The following CSMD3 variants were observed in gnomAD, a reference collection of about 807,000 sequenced individuals.
CSMD3 encodes CUB and sushi domain-containing protein 3.
In CSMD3, 177 loss-of-function variants were observed where a neutral mutation model predicts 435.2. The observed-to-expected ratio is 0.41, with a 90% CI of 0.36 to 0.46. The LOEUF is 0.46. CSMD3 is among the 20% of genes least tolerant of loss of function. The pLI, the probability that CSMD3 is intolerant of heterozygous loss-of-function variation, is 0.34. For synonymous variants in CSMD3, 1,656 were observed against 1,520.5 expected (o/e 1.09, Z -2.07); for missense variants, 4,265 against 4,504.6 (o/e 0.95, Z 1.52).
In CSMD3 at chr8:112,807,008, C is replaced by T. The variant is rs115511570; in HGVS notation, c.1860-6734G>A. Among the ~76,000 whole-genome samples, 478 of 152,294 alleles carry T rather than the reference C, an allele frequency of 3.1e-3. 4 individuals carry two copies. Among genetic ancestry groups the T allele is most frequent in the African/African-American group, 9.9e-3 (412 of 41,570 alleles). On this transcript the variant is annotated intron_variant, in intron 12 of 70. Transcript: ENST00000297405. The stretch of plus-strand genomic sequence containing the variant: ...GCCCTGTTGCCTCTGGCCAGACCAC[C>T]AGGTGGCCCACTGCTCAAGATAACC...
At chr8:113,389,237 A>T (rs1362692758) in intron 1 of CSMD3, among the ~76,000 whole-genome samples, 1 of 151,680 alleles carries the variant, frequency 6.6e-6, no homozygotes, top group Non-Finnish European at 1.5e-5. Context: ...GAATACTTTA[A>T]ACACAAACTT....
intron 27 of CSMD3, among the ~76,000 whole-genome samples, chr8:112,524,602 A>G (rs1034824682): frequency 3.3e-5 from 5 of 152,034 alleles, no homozygotes; most frequent in African/African-American, 9.6e-5. Flanking sequence ...AAATAATAAC[A>G]TGTGTATCAA....
intron 6 of CSMD3, among the ~76,000 whole-genome samples, chr8:112,991,710 G>A (rs1289594299): frequency 6.6e-6 from 1 of 151,738 alleles, no homozygotes; most frequent in Non-Finnish European, 1.5e-5. Flanking sequence ...AACAAAAGAT[G>A]AGACACAAAA....
At chr8:112,952,705 C>A (rs2083867398) in intron 8 of CSMD3, among the ~76,000 whole-genome samples, 1 of 150,620 alleles carries the variant, frequency 6.6e-6, no homozygotes. Context: ...TACTTATCTT[C>A]AAAAAAATGA....
chr8:113,347,165 A>C (rs536098643), intron 1 of CSMD3, among the ~76,000 whole-genome samples: 1 of 152,302 alleles, frequency 6.6e-6, no homozygotes, highest in African/African-American at 2.4e-5. Flanking sequence ...GAAAGAGCAG[A>C]GAAAATATTT....
chr8:113,078,881 A>T (rs2089448779), intron 5 of CSMD3, among the ~76,000 whole-genome samples: 1 of 152,180 alleles, frequency 6.6e-6, no homozygotes, highest in Non-Finnish European at 1.5e-5. Flanking sequence ...ACATTTAGAG[A>T]ACGCAGCCAG....
intron 45 of CSMD3, among the ~76,000 whole-genome samples, chr8:112,331,899 T>G (rs1311592993): frequency 6.6e-6 from 1 of 152,090 alleles, no homozygotes; most frequent in South Asian, 2.1e-4. Context: ...TTTTTTACTA[T>G]TATGAGATTT....
At chr8:113,207,510 G>A (rs2092785302) in intron 3 of CSMD3, among the ~76,000 whole-genome samples, 1 of 151,482 alleles carries the variant, frequency 6.6e-6, no homozygotes, top group Non-Finnish European at 1.5e-5. Context: ...AGCCTCCCAA[G>A]TAGCTGGGAT....
At chr8:112,283,272 A>T (rs1192627365) in intron 58 of CSMD3, among the ~76,000 whole-genome samples, 1 of 151,820 alleles carries the variant, frequency 6.6e-6, no homozygotes, top group Admixed American at 6.6e-5. Context: ...TTTTTTTGTG[A>T]TGCATCTTTA....
intron 1 of CSMD3, among the ~76,000 whole-genome samples, chr8:113,365,775 A>C (rs959467412): frequency 2.0e-5 from 3 of 151,980 alleles, no homozygotes; most frequent in African/African-American, 7.2e-5. Flanking sequence ...TCAATAAAAT[A>C]ATGAGAGTGT....
intron 3 of CSMD3, among the ~76,000 whole-genome samples, chr8:113,277,834 A>G (rs1026157122): frequency 3.3e-5 from 5 of 151,962 alleles, no homozygotes; most frequent in African/African-American, 4.8e-5. Context: ...GAAACCTTCA[A>G]GAACAAATTA....
chr8:112,592,395 G>A (rs990275490), intron 22 of CSMD3, among the ~76,000 whole-genome samples: 1 of 151,740 alleles, frequency 6.6e-6, no homozygotes, highest in Non-Finnish European at 1.5e-5. Flanking sequence ...TACAATACAT[G>A]TATGTATCCA....
intron 22 of CSMD3, among the ~76,000 whole-genome samples, chr8:112,601,010 A>C (rs568606604): frequency 2.6e-5 from 4 of 152,262 alleles, no homozygotes; most frequent in African/African-American, 9.6e-5. Flanking sequence ...GTGAAAACCC[A>C]ATAAATACTG....
intron 44 of CSMD3, among the ~76,000 whole-genome samples, chr8:112,336,345 C>T (rs1159553696): frequency 1.3e-5 from 2 of 152,056 alleles, no homozygotes; most frequent in Non-Finnish European, 2.9e-5. Flanking sequence ...TAGAGAACTT[C>T]CATACCTTAA....
chr8:113,419,741 T>C (rs147552276), intron 1 of CSMD3, among the ~76,000 whole-genome samples: 170 of 152,268 alleles, frequency 1.1e-3, no homozygotes, highest in African/African-American at 4.0e-3. Flanking sequence ...TCCTTTATAA[T>C]AGTGTTTATG....
At chr8:112,236,345 A>G in intron 67 of CSMD3, among the ~76,000 whole-genome samples, 1 of 152,094 alleles carries the variant, frequency 6.6e-6, no homozygotes, top group Admixed American at 6.6e-5. Context: ...CAAATGCATT[A>G]ATTTGAAAAT....
intron 8 of CSMD3, among the ~76,000 whole-genome samples, chr8:112,949,107 T>TA (rs1390737845): frequency 6.6e-6 from 1 of 151,958 alleles, no homozygotes; most frequent in Admixed American, 6.6e-5. Flanking sequence ...GTAATTCTAA[T>TA]ATAAAGTCAA....
chr8:112,440,107 A>C (rs1444967734), intron 32 of CSMD3, among the ~76,000 whole-genome samples: 1 of 152,186 alleles, frequency 6.6e-6, no homozygotes, highest in Non-Finnish European at 1.5e-5. Flanking sequence ...CTTCTATCTA[A>C]GAGCCTGTAA....
chr8:112,797,117 A>G (rs549904698), intron 13 of CSMD3, among the ~76,000 whole-genome samples: 3 of 152,102 alleles, frequency 2.0e-5, no homozygotes, highest in African/African-American at 4.8e-5. Context: ...CAGAAGTTCT[A>G]AAGTTAATGA....
Sources: allele counts gnomAD v4.1 joint callset (sites outside exome capture counted in the v4.1 genomes callset), GRCh38; gene constraint gnomAD v4.1.1; transcripts MANE v1.5; gene names NCBI Gene and HGNC (gene_info 2026-07-23, HGNC 2026-07-21).